The following SART3 variants were observed in gnomAD, a reference collection of about 807,000 sequenced individuals.
SART3 encodes the protein spliceosome associated factor 3, U4/U6 recycling protein.
Under a neutral mutation model 122.3 loss-of-function variants are expected in SART3, and 44 were observed. The ratio of observed to expected loss-of-function variants is 0.36; its 90% CI spans 0.28 to 0.46. The LOEUF (loss-of-function observed/expected upper bound fraction) is 0.46, where lower values mean the gene tolerates loss of function less well. SART3 is among the 20% of genes least tolerant of loss of function. The pLI, the probability that SART3 is intolerant of heterozygous loss-of-function variation, is 1.00. For synonymous variants in SART3, 442 were observed against 454.0 expected (o/e 0.97, Z 0.34); for missense variants, 1,101 against 1,229.0 (o/e 0.90, Z 1.56).
chr12:108,530,972 T>C (rs6539436), intron 14 of SART3, among the ~76,000 whole-genome samples: 120,070 of 152,168 alleles, frequency 0.79, 47,960 homozygotes, highest in East Asian at 0.92. Flanking sequence ...TCGTAAATTT[T>C]AGAGCCAAAA....
chr12:108,542,758 G>C, intron 6 of SART3: 1 of 533,916 alleles, frequency 1.9e-6, no homozygotes, highest in Non-Finnish European at 3.5e-6. Flanking sequence ...CAAAAGTCAG[G>C]AAAGTGATTA....
chr12:108,532,162 A>T lies in SART3; in HGVS notation c.1669+60T>A, dbSNP rs1872707609. 2.8e-6 allele frequency: 4 copies of T among 1,432,632 alleles called. No homozygotes were observed. In the East Asian group the frequency reaches 9.1e-5, roughly 33 times the overall value. 88.7% of individuals were successfully genotyped at this position (1,432,632 alleles called of 1,614,324 possible). ...CCCCAGACTGTAACCAGATGCTCCT[A>T]CTTGAGACCAAACAGCAAATGGGTT... On this transcript the variant is annotated intron_variant, in intron 13 of 18. Coordinates refer to ENST00000546815, the MANE Select transcript of SART3 (RefSeq NM_014706.4).
rs1381295217 is a variant in SART3, at chr12:108,530,238, C to T, written c.1819G>A (p.Glu607Lys). Residue 607 changes from glutamate (E) to lysine (K), a missense_variant, in exon 15 of 19, where the codon GAG becomes AAG. By Grantham distance (56) the Glu-to-Lys change is moderately conservative. Transcript: ENST00000546815. ...TTCTTCTTTTTTAACGCTTTCTTCT[C>T]AGCCCGAGCTCTTTTCCGTTGTTCA... The part of the protein sequence containing the change: ...KAEQRKRARA[E>K]KKALKKKKKI... 6.2e-7 allele frequency: 1 copy of T among 1,614,182 alleles called. No individual in the cohort carries two copies. The highest frequency in any genetic ancestry group is 1.1e-5 in the South Asian group (1 of 91,080).
intron 2 of SART3, 77 bp downstream of exon 2, chr12:108,549,011 T>C (rs1200753743): frequency 2.5e-6 from 4 of 1,597,526 alleles, no homozygotes; most frequent in Admixed American, 3.3e-5. Context: ...ACAAGGAGCA[T>C]GTCCCACTTT....
At chr12:108,540,429 T>C (rs1217403485) in intron 6 of SART3, among the ~76,000 whole-genome samples, 2 of 152,174 alleles carry the variant, frequency 1.3e-5, no homozygotes, top group Non-Finnish European at 2.9e-5. Context: ...AGGTCAAGTG[T>C]TGAAGACACT....
rs1037486687 is a variant in SART3 at position 108,528,281 on chromosome 12, A to G, written c.1916-1728T>C. Among the ~76,000 whole-genome samples, 3 of 151,932 alleles carry G rather than the reference A, an allele frequency of 2.0e-5. 1 individual carries two copies. Among genetic ancestry groups the G allele is most frequent in the African/African-American group, 7.3e-5 (3 of 41,368 alleles). On this transcript the variant is annotated intron_variant, in intron 15 of 18. Coordinates refer to ENST00000546815, the MANE Select transcript of SART3 (RefSeq NM_014706.4). ...GAGGATCACTTGAGGTCAGGAGTTC[A>G]AGACCAGCCTGGCTAACATGGTGAA...
intron 12 of SART3, among the ~76,000 whole-genome samples, chr12:108,534,639 C>T (rs1872827280): frequency 1.3e-5 from 2 of 152,144 alleles, no homozygotes; most frequent in Non-Finnish European, 1.5e-5. Context: ...TGCACCACTG[C>T]ACTTCAGCCT....
rs1271006054 is a variant in SART3, at chr12:108,523,412, C to T, written c.*45G>A. 5.6e-6 allele frequency: 9 copies of T among 1,605,376 alleles called. No homozygotes were observed. Among genetic ancestry groups the T allele is most frequent in the Admixed American group, 1.7e-5 (1 of 59,990 alleles). The stretch of plus-strand genomic sequence containing the variant: ...CACTGCTGGGTGGTGGGAGGTCCGC[C>T]GGGCCAGAGTGAAGTAAGGCATTTC... On this transcript the variant is annotated 3_prime_UTR_variant, in exon 19 of 19. Transcript: ENST00000546815.
chr12:108,559,664 CAAAAAAAA>C (rs35159668), intron 1 of SART3, among the ~76,000 whole-genome samples: 7 of 79,744 alleles, frequency 8.8e-5, no homozygotes, highest in African/African-American at 2.4e-4. Context: ...GACTCTGTCT[CAAAAAAAA>C]AAAAAAAAAA....
intron 5 of SART3, among the ~76,000 whole-genome samples, chr12:108,543,625 G>A (rs533783979): frequency 6.6e-6 from 1 of 152,314 alleles, no homozygotes; most frequent in Admixed American, 6.5e-5. Flanking sequence ...ACGCTGGTAG[G>A]TGAAATCTGC....
At chr12:108,544,625 G>T in intron 4 of SART3, 147 bp from the exon 5 acceptor site, 1 of 1,099,984 alleles carries the variant, frequency 9.1e-7, no homozygotes, top group South Asian at 1.3e-5. Flanking sequence ...GGAGTGTGGT[G>T]GTGTGATCAC....
intron 17 of SART3, among the ~76,000 whole-genome samples, chr12:108,525,176 C>T (rs1438029915): frequency 6.6e-6 from 1 of 152,258 alleles, no homozygotes; most frequent in Non-Finnish European, 1.5e-5. Context: ...CTGCTGGTCA[C>T]AGGGCTTCCC....
intron 17 of SART3, among the ~76,000 whole-genome samples, chr12:108,525,137 A>T (rs529821103): frequency 6.6e-6 from 1 of 152,246 alleles, no homozygotes; most frequent in Non-Finnish European, 1.5e-5. Flanking sequence ...AGAAGGCTGC[A>T]GGAGGGCGCC....
chr12:108,526,395 T>G lies in SART3; in HGVS notation c.2074A>C (p.Met692Leu). ...KEKAASLKRD[M>L]PKVLHDSSKD... is the part of the protein sequence containing the mutation. ...CTGCTGTCGTGCAGCACCTTGGGCA[T>G]GTCCCTCTTCAGGGAGGCTGCCTTC... Residue 692 changes from methionine to leucine, a missense_variant, in exon 16 of 19, where the codon ATG (methionine) becomes CTG (leucine). This residue lies in a region of SART3 where 885 missense variants were observed against 1,080.1 expected (regional missense o/e 0.82). Coordinates refer to ENST00000546815, the MANE Select transcript of SART3 (RefSeq NM_014706.4). 5 of 1,614,098 alleles carry G rather than the reference T, an allele frequency of 3.1e-6. No individual in the cohort carries two copies. The highest frequency in any genetic ancestry group is 4.2e-6 in the Non-Finnish European group (5 of 1,179,956).
chr12:108,536,811 T>A, intron 9 of SART3, 26 bp from the exon 10 acceptor site: 1 of 1,604,988 alleles, frequency 6.2e-7, no homozygotes, highest in Non-Finnish European at 8.5e-7. Flanking sequence ...AAAAAAGGCT[T>A]TAGGAAACCA....
intron 1 of SART3, among the ~76,000 whole-genome samples, chr12:108,551,853 G>T (rs534432085): frequency 5.5e-4 from 83 of 152,134 alleles, no homozygotes; most frequent in Middle Eastern, 3.4e-3. Context: ...TAATCTGCAG[G>T]TCAAAGAGGA....
At chr12:108,551,444 T>C (rs1041874760) in intron 1 of SART3, among the ~76,000 whole-genome samples, 2 of 152,140 alleles carry the variant, frequency 1.3e-5, no homozygotes, top group African/African-American at 4.8e-5. Context: ...GACACTTGAA[T>C]ATGTTGAACC....
At chr12:108,560,776 G>T (rs781450517) in intron 1 of SART3, 67 bp downstream of exon 1, 2 of 1,432,984 alleles carry the variant, frequency 1.4e-6, no homozygotes, top group South Asian at 1.3e-5. Context: ...TAGGGAGGCG[G>T]GCCAGGACAT....
intron 15 of SART3, among the ~76,000 whole-genome samples, chr12:108,526,762 A>G (rs906546691): frequency 8.3e-6 from 1 of 120,560 alleles, no homozygotes; most frequent in Non-Finnish European, 1.7e-5. Context: ...ACACTCGGGT[A>G]AGTGGGCTCA....
Sources: allele counts gnomAD v4.1 joint callset (sites outside exome capture counted in the v4.1 genomes callset), GRCh38; gene constraint gnomAD v4.1.1; regional missense constraint gnomAD v4.1.1; transcripts MANE v1.5; gene names NCBI Gene and HGNC (gene_info 2026-07-23, HGNC 2026-07-21).